Variants in MYH10 observed in about 807,000 individuals in gnomAD.
MYH10 encodes myosin-10.
A neutral mutation model predicts 257.8 loss-of-function variants in MYH10; 55 were observed. That is an observed-to-expected ratio of 0.21 (90% CI 0.17 to 0.27). MYH10 has a LOEUF of 0.27. Among genes scored for constraint, MYH10 ranks in the 10% least tolerant of loss-of-function variants. MYH10 has a pLI of 1.00. For synonymous variants in MYH10, 854 were observed against 921.7 expected (o/e 0.93, Z 1.33); for missense variants, 1,631 against 2,500.6 (o/e 0.65, Z 7.42).
chr17:8,516,348 G>A (rs965410271), intron 21 of MYH10, among the ~76,000 whole-genome samples: 5 of 152,138 alleles, frequency 3.3e-5, no homozygotes, highest in Non-Finnish European at 7.3e-5. Flanking sequence ...GCACTATTCT[G>A]CCTTTTTCCA....
intron 11 of MYH10, among the ~76,000 whole-genome samples, chr17:8,547,607 A>G (rs187994199): frequency 9.3e-4 from 141 of 151,880 alleles, no homozygotes; most frequent in African/African-American, 3.1e-3. Flanking sequence ...GCCACAGTGG[A>G]CTGCGGATGC....
At chr17:8,616,573 TAAC>T (rs1416850590) in intron 2 of MYH10, among the ~76,000 whole-genome samples, 3 of 151,682 alleles carry the variant, frequency 2.0e-5, no homozygotes, top group Non-Finnish European at 2.9e-5. Context: ...CAAAAATAAA[TAAC>T]AAAAGATGTA....
chr17:8,480,529 G>A lies in MYH10; in HGVS notation c.5265-4C>T, dbSNP rs371762980. ...CTTCTCATCCAGCAGCGCGGACCTG[G>A]CGGGGAGAGGAGGAGGGGACGGTTC... On this transcript the variant is annotated splice_region_variant and splice_polypyrimidine_tract_variant and intron_variant, in intron 38 of 42. Transcript: ENST00000360416. 2 of 1,605,658 alleles carry A rather than the reference G, an allele frequency of 1.2e-6. No individual in the cohort carries two copies. The highest frequency in any genetic ancestry group is 1.3e-5 in the African/African-American group (1 of 74,896).
At chr17:8,554,061 C>T in intron 7 of MYH10, 43 bp from the exon 8 acceptor site, 1 of 1,363,908 alleles carries the variant, frequency 7.3e-7, no homozygotes. Context: ...TAAGTAAGTA[C>T]ATACTGGATA....
In MYH10 at chr17:8,535,598, AC is replaced by A; in HGVS notation, c.1780-98del. The stretch of plus-strand genomic sequence containing the variant: ...AGCCTCAACCAGAAACTTTTATACA[AC>A]AGTCCCCAAAATGGGCTGTCTGAAA... On this transcript the variant is annotated intron_variant, in intron 15 of 42. Transcript: ENST00000360416. The surrounding 1 kb of genome is among the most constrained non-coding windows in gnomAD (Gnocchi z 4.3). 1 of 1,275,324 alleles carries A rather than the reference AC, an allele frequency of 7.8e-7. No individual in the cohort carries two copies. Among genetic ancestry groups the A allele is most frequent in the South Asian group, 1.4e-5 (1 of 72,356 alleles). 79.0% of individuals were successfully genotyped at this position (1,275,324 alleles called of 1,614,324 possible).
intron 4 of MYH10, among the ~76,000 whole-genome samples, chr17:8,586,745 C>T (rs2083928659): frequency 6.6e-6 from 1 of 152,154 alleles, no homozygotes; most frequent in African/African-American, 2.4e-5. Context: ...AAAATAAGTA[C>T]TCACGAACTT....
intron 7 of MYH10, among the ~76,000 whole-genome samples, chr17:8,567,909 T>C (rs1469038686): frequency 6.6e-6 from 1 of 152,192 alleles, no homozygotes; most frequent in East Asian, 1.9e-4. Flanking sequence ...TCGTTAAAGA[T>C]TGATGAGAGC....
chr17:8,502,853 T>C (rs1444413483), intron 28 of MYH10, among the ~76,000 whole-genome samples: 3 of 152,304 alleles, frequency 2.0e-5, no homozygotes, highest in South Asian at 2.1e-4. Context: ...AGAACCTTAT[T>C]TTCTATTGCA....
At chr17:8,599,046 CCT>C (rs1243586539) in intron 3 of MYH10, among the ~76,000 whole-genome samples, 6 of 152,164 alleles carry the variant, frequency 3.9e-5, no homozygotes, top group African/African-American at 1.4e-4. Context: ...GTTTTGATTT[CCT>C]CTTTTACCAA....
intron 7 of MYH10, among the ~76,000 whole-genome samples, chr17:8,567,923 G>A (rs548546545): frequency 6.6e-6 from 1 of 152,192 alleles, no homozygotes; most frequent in African/African-American, 2.4e-5. Flanking sequence ...TGAGAGCACT[G>A]TGACTTGACT....
At chr17:8,517,340 G>A (rs2081504858) in intron 21 of MYH10, among the ~76,000 whole-genome samples, 1 of 152,116 alleles carries the variant, frequency 6.6e-6, no homozygotes, top group Non-Finnish European at 1.5e-5. Flanking sequence ...ATCTGGGCAA[G>A]CAGACTGCCC....
chr17:8,539,569 C>A (rs1307771222), intron 14 of MYH10, among the ~76,000 whole-genome samples: 1 of 152,110 alleles, frequency 6.6e-6, no homozygotes, highest in African/African-American at 2.4e-5. Context: ...CATTTCCAGG[C>A]CATAATTGAG....
At chr17:8,559,147 C>T (rs2082902978) in intron 7 of MYH10, among the ~76,000 whole-genome samples, 1 of 152,146 alleles carries the variant, frequency 6.6e-6, no homozygotes. Context: ...CCTGGAGACT[C>T]AATCTGAGAC....
At chr17:8,612,704 A>G (rs1360719432) in intron 2 of MYH10, among the ~76,000 whole-genome samples, 1 of 152,084 alleles carries the variant, frequency 6.6e-6, no homozygotes, top group Admixed American at 6.5e-5. Flanking sequence ...TACCAAAATT[A>G]GCCAGGCGTG....
intron 7 of MYH10, among the ~76,000 whole-genome samples, chr17:8,566,861 A>G (rs1435222644): frequency 1.3e-5 from 2 of 152,136 alleles, no homozygotes. Context: ...TAACAGAACC[A>G]CTACATTCTT....
In MYH10 at chr17:8,493,832, C is replaced by T. The variant is rs2151823530; in HGVS notation, c.4110G>A (p.Arg1370=). ...GACTGTTCTTCTCCTCTTCCAGCTG[C>T]CGGATCCGACTGCTCAGGTTTAGTT... ...RQKLNLSSRI[R]QLEEEKNSLQ... The change falls in exon 32 of 43, where the codon CGG becomes CGA. Residue 1370 remains arginine (R), a synonymous_variant. Transcript: ENST00000360416. 6.2e-7 allele frequency: 1 copy of T among 1,614,012 alleles called. No homozygotes were observed. Among genetic ancestry groups the T allele is most frequent in the Non-Finnish European group, 8.5e-7 (1 of 1,179,914 alleles).
chr17:8,527,022 T>C (rs1449919910), intron 17 of MYH10, among the ~76,000 whole-genome samples: 1 of 152,194 alleles, frequency 6.6e-6, no homozygotes, highest in Non-Finnish European at 1.5e-5. Context: ...TCAATACTCA[T>C]TTAAATAAGG....
chr17:8,523,729 A>G (rs2081737968), intron 17 of MYH10, among the ~76,000 whole-genome samples: 1 of 152,192 alleles, frequency 6.6e-6, no homozygotes, highest in Admixed American at 6.5e-5. Flanking sequence ...GGGCAGCTGG[A>G]GCTAGTGAGA....
At chr17:8,619,670 T>C (rs2085392989) in intron 2 of MYH10, among the ~76,000 whole-genome samples, 1 of 152,152 alleles carries the variant, frequency 6.6e-6, no homozygotes, top group Non-Finnish European at 1.5e-5. Flanking sequence ...ATGCCTGTAA[T>C]CACAGCACTC....
Sources: gnomAD v4.1 joint callset for allele counts (sites outside exome capture counted in the v4.1 genomes callset) on GRCh38, gnomAD v4.1.1 for gene constraint, Gnocchi (gnomAD v3.1) non-coding constraint, MANE v1.5 for transcripts, NCBI Gene and HGNC (gene_info 2026-07-23, HGNC 2026-07-21) for gene names.